AGBL4: variants seen among roughly 807,000 people sequenced by gnomAD.
The protein encoded by AGBL4 is AGBL carboxypeptidase 4.
Under a neutral mutation model 66.4 loss-of-function variants are expected in AGBL4, and 58 were observed. The observed-to-expected ratio is 0.87, with a 90% CI of 0.71 to 1.09. AGBL4 has a LOEUF of 1.09. AGBL4 is among the 50% of genes least tolerant of loss of function. The pLI, the probability that AGBL4 is intolerant of heterozygous loss-of-function variation, is 0.00. For missense variants in AGBL4, 579 were observed against 631.0 expected (o/e 0.92, Z 0.88); for synonymous variants, 234 against 222.9 (o/e 1.05, Z -0.44).
intron 8 of AGBL4, among the ~76,000 whole-genome samples, chr1:48,652,027 G>A (rs2148440419): frequency 6.6e-6 from 1 of 152,244 alleles, no homozygotes; most frequent in Admixed American, 6.5e-5. Context: ...GACATGCAAT[G>A]GAATAAGAGT....
chr1:48,953,433 T>C (rs566635290), intron 5 of AGBL4, among the ~76,000 whole-genome samples: 4 of 152,282 alleles, frequency 2.6e-5, no homozygotes, highest in Admixed American at 2.6e-4. Context: ...TCAGAATTGA[T>C]TGCTTGTGTG....
rs147595450 is a variant in AGBL4, at chr1:49,954,871, G to A, written c.34+68892C>T. On this transcript the variant is annotated intron_variant, in intron 1 of 13. Coordinates refer to ENST00000371839, the MANE Select transcript of AGBL4 (RefSeq NM_032785.4). ...GATTCTTGGTGTTTTACCACCATGA[G>A]GCTATACCTACTACATGCCCTACCT... Among the ~76,000 whole-genome samples the A allele has an allele frequency of 1.9e-3, 283 of 151,950 alleles. 2 individuals are homozygous for A. The highest frequency in any genetic ancestry group is 6.5e-3 in the African/African-American group (268 of 41,476).
At chr1:49,793,577 C>T (rs553973540) in intron 2 of AGBL4, among the ~76,000 whole-genome samples, 33 of 151,838 alleles carry the variant, frequency 2.2e-4, no homozygotes, top group Non-Finnish European at 3.8e-4. Context: ...TGAGCATCTG[C>T]GTAAATAGTA....
At chr1:49,368,215 G>A (rs1043613711) in intron 3 of AGBL4, among the ~76,000 whole-genome samples, 1 of 152,014 alleles carries the variant, frequency 6.6e-6, no homozygotes, top group Non-Finnish European at 1.5e-5. Context: ...CAGCTGCTTT[G>A]AACATCTGTG....
At chr1:49,477,480 C>T (rs1010677800) in intron 3 of AGBL4, among the ~76,000 whole-genome samples, 1 of 152,122 alleles carries the variant, frequency 6.6e-6, no homozygotes, top group African/African-American at 2.4e-5. Context: ...AAGGTGGTAC[C>T]TCCATGAGGC....
At chr1:49,658,919 T>A (rs904675416) in intron 3 of AGBL4, among the ~76,000 whole-genome samples, 1 of 151,922 alleles carries the variant, frequency 6.6e-6, no homozygotes, top group Non-Finnish European at 1.5e-5. Context: ...AATGACGAGT[T>A]AATGGGTTCA....
At chr1:48,613,677 T>C (rs1420746432) in intron 9 of AGBL4, among the ~76,000 whole-genome samples, 8 of 152,194 alleles carry the variant, frequency 5.3e-5, no homozygotes, top group Non-Finnish European at 8.8e-5. Context: ...AGGTCCCAGA[T>C]AGGGGTGACA....
At chr1:50,014,824 C>G (rs927604344) in intron 1 of AGBL4, among the ~76,000 whole-genome samples, 2 of 152,038 alleles carry the variant, frequency 1.3e-5, no homozygotes, top group African/African-American at 4.8e-5. Context: ...CATGCCCAGC[C>G]AAAAGGATTT....
At chr1:49,131,065 T>G (rs1167192814) in intron 4 of AGBL4, among the ~76,000 whole-genome samples, 2 of 152,104 alleles carry the variant, frequency 1.3e-5, no homozygotes, top group East Asian at 3.8e-4. Flanking sequence ...TGGAATGAAA[T>G]GCTACTCAGC....
chr1:49,926,389 C>T (rs762057335), intron 1 of AGBL4, among the ~76,000 whole-genome samples: 18 of 152,124 alleles, frequency 1.2e-4, no homozygotes, highest in Non-Finnish European at 2.4e-4. Context: ...TACCCAAGTC[C>T]CTTTGAATAC....
chr1:49,605,332 T>C (rs781302896), intron 3 of AGBL4, among the ~76,000 whole-genome samples: 42 of 152,284 alleles, frequency 2.8e-4, no homozygotes, highest in South Asian at 1.9e-3. Context: ...TCTTTTTTGT[T>C]GAATTCTTAG....
At chr1:49,519,033 T>C (rs1037516299) in intron 3 of AGBL4, among the ~76,000 whole-genome samples, 7 of 152,098 alleles carry the variant, frequency 4.6e-5, no homozygotes, top group Non-Finnish European at 7.4e-5. Context: ...TAAGTTTGCA[T>C]AGAAAATGCA....
intron 3 of AGBL4, among the ~76,000 whole-genome samples, chr1:49,653,793 A>G (rs1231643628): frequency 6.6e-6 from 1 of 151,816 alleles, no homozygotes; most frequent in Non-Finnish European, 1.5e-5. Flanking sequence ...GAAAAGTAAC[A>G]AACAAAACCT....
chr1:49,540,899 A>T (rs1355472870), intron 3 of AGBL4, among the ~76,000 whole-genome samples: 1 of 152,202 alleles, frequency 6.6e-6, no homozygotes, highest in Non-Finnish European at 1.5e-5. Flanking sequence ...TTATTAGAGT[A>T]ATGTTAGTGA....
chr1:49,198,827 C>CA (rs1212168821), intron 4 of AGBL4, among the ~76,000 whole-genome samples: 2 of 151,890 alleles, frequency 1.3e-5, no homozygotes, highest in African/African-American at 4.8e-5. Flanking sequence ...TCTAAGCCTT[C>CA]AGCCTTGCTT....
intron 3 of AGBL4, among the ~76,000 whole-genome samples, chr1:49,406,013 T>C (rs1645189115): frequency 6.6e-6 from 1 of 152,224 alleles, no homozygotes; most frequent in Admixed American, 6.5e-5. Context: ...CAACAACCAC[T>C]ATCCTTCAAT....
intron 5 of AGBL4, among the ~76,000 whole-genome samples, chr1:49,037,793 G>C (rs1288597711): frequency 1.3e-5 from 2 of 151,830 alleles, no homozygotes; most frequent in African/African-American, 2.4e-5. Context: ...AATGTGTTTT[G>C]TGTTAATCTT....
At chr1:48,784,661 C>T (rs1311292605) in intron 6 of AGBL4, among the ~76,000 whole-genome samples, 1 of 152,074 alleles carries the variant, frequency 6.6e-6, no homozygotes, top group Non-Finnish European at 1.5e-5. Context: ...AATCTGAAGC[C>T]TTGTGGATGT....
chr1:49,708,598 G>A (rs1248040626), intron 2 of AGBL4, among the ~76,000 whole-genome samples: 2 of 152,006 alleles, frequency 1.3e-5, no homozygotes, highest in African/African-American at 2.4e-5. Context: ...TTCCCTTGCT[G>A]GCGAGGAGTT....
Sources: allele counts gnomAD v4.1 joint callset (sites outside exome capture counted in the v4.1 genomes callset), GRCh38; gene constraint gnomAD v4.1.1; transcripts MANE v1.5; gene names NCBI Gene and HGNC (gene_info 2026-07-23, HGNC 2026-07-21).